RELB: variants seen among roughly 807,000 people sequenced by gnomAD.
RELB encodes the protein RELB proto-oncogene, NF-kB subunit.
RELB carries 14 observed loss-of-function variants against 55.4 expected under a neutral mutation model. The observed-to-expected ratio is 0.25, with a 90% CI of 0.17 to 0.40. RELB has a LOEUF of 0.40. Ranked by LOEUF, RELB falls within the 10% of genes least tolerant of loss-of-function variation. The pLI is 1.00. For synonymous variants in RELB, 409 were observed against 371.3 expected (o/e 1.10, Z -1.17); for missense variants, 669 against 830.7 (o/e 0.81, Z 2.39).
chr19:45,012,575 C>A (rs1217636798), intron 4 of RELB, among the ~76,000 whole-genome samples: 1 of 151,956 alleles, frequency 6.6e-6, no homozygotes, highest in Non-Finnish European at 1.5e-5. Context: ...GAAACCCCAT[C>A]TGTACTAAAA....
At chr19:45,036,141 C>G (rs1971683286) in intron 11 of RELB, among the ~76,000 whole-genome samples, 1 of 151,918 alleles carries the variant, frequency 6.6e-6, no homozygotes, top group Non-Finnish European at 1.5e-5. Flanking sequence ...GGCACAATCT[C>G]AGCTCACTGC....
chr19:45,019,450 T>A (rs1409266310), intron 4 of RELB, among the ~76,000 whole-genome samples: 2 of 152,180 alleles, frequency 1.3e-5, no homozygotes, highest in Non-Finnish European at 2.9e-5. Context: ...ATGTATCTCC[T>A]AATCATAAGC....
At chr19:45,020,855 C>A (rs1470178134) in intron 4 of RELB, among the ~76,000 whole-genome samples, 2 of 152,026 alleles carry the variant, frequency 1.3e-5, no homozygotes, top group African/African-American at 4.8e-5. Flanking sequence ...CCGCACCCGG[C>A]CATGGCACCC....
intron 2 of RELB, among the ~76,000 whole-genome samples, chr19:45,003,880 G>GGT (rs1280186208): frequency 7.2e-4 from 103 of 143,136 alleles, no homozygotes; most frequent in Non-Finnish European, 1.3e-3. Context: ...GTTCATTTTT[G>GGT]GTGTGTGTGT....
chr19:45,003,267 C>T (rs1453387679), intron 2 of RELB, among the ~76,000 whole-genome samples: 1 of 151,878 alleles, frequency 6.6e-6, no homozygotes, highest in Non-Finnish European at 1.5e-5. Context: ...GTCAGGAGAT[C>T]GAGACCATCC....
At chr19:45,030,274 T>C (rs541089335) in intron 8 of RELB, among the ~76,000 whole-genome samples, 1 of 151,122 alleles carries the variant, frequency 6.6e-6, no homozygotes, top group Admixed American at 6.6e-5. Context: ...GGAGTTTGAG[T>C]CCAGTCTGGG....
Position 45,037,265 on chromosome 19 carries a change from G to C in RELB, c.1355-140G>C, listed in dbSNP as rs1357665518. On this transcript the variant is annotated intron_variant, in intron 11 of 11. Transcript: ENST00000221452. ...TCATTGCACTCCAGCCAGGGTGACAGAATGAGACTCCATCTCAGAAAAAAA... is the reference window on the plus strand; with the variant it reads ...TCATTGCACTCCAGCCAGGGTGACACAATGAGACTCCATCTCAGAAAAAAA... 3 of 922,722 alleles carry C rather than the reference G, an allele frequency of 3.3e-6. No individual in the cohort carries two copies. The African/African-American group carries it at 5.3e-5, about 16-fold the overall frequency. The allele number at this position is 922,722 out of a possible 1,614,324, so 57.2% of individuals were successfully genotyped here.
At chr19:45,025,515 TCTC>T in intron 6 of RELB, 88 bp from the exon 7 acceptor site, 1 of 1,573,394 alleles carries the variant, frequency 6.4e-7, no homozygotes, top group East Asian at 2.3e-5. Context: ...GGCCCCACCG[TCTC>T]CTCCAGCCCC....
chr19:45,034,197 A>G, intron 9 of RELB, 47 bp from the exon 10 acceptor site: 1 of 1,299,498 alleles, frequency 7.7e-7, no homozygotes, highest in South Asian at 1.2e-5. Flanking sequence ...GGAATTAATT[A>G]TTATTGATGA....
chr19:45,032,474 A>G (rs1487488418), intron 8 of RELB, 60 bp from the exon 9 acceptor site: 3 of 1,408,480 alleles, frequency 2.1e-6, no homozygotes, highest in Non-Finnish European at 3.0e-6. Context: ...AGGCTGGGCA[A>G]GTTGGGAGCA....
chr19:45,014,064 T>C (rs35784199), intron 4 of RELB, among the ~76,000 whole-genome samples: 268 of 152,128 alleles, frequency 1.8e-3, no homozygotes, highest in African/African-American at 6.2e-3. Flanking sequence ...ATGATAAAGA[T>C]ACAACTTTCC....
chr19:45,037,077 G>A (rs1407565195), intron 11 of RELB, among the ~76,000 whole-genome samples: 2 of 152,144 alleles, frequency 1.3e-5, no homozygotes, highest in African/African-American at 4.8e-5. Context: ...TCAGGAGTTC[G>A]AGACCAGCCT....
In RELB at chr19:45,023,891, C is replaced by T. The variant is rs527714158; in HGVS notation, c.663-1438C>T. On this transcript the variant is annotated intron_variant, in intron 5 of 11. Coordinates refer to ENST00000221452, the MANE Select transcript of RELB (RefSeq NM_006509.4). ...TCAGCCTCCCAGGTAGCTGGGATTA[C>T]AGGCGCCAGCCACCACACCTGGCTA... Among the ~76,000 whole-genome samples the T allele has an allele frequency of 2.1e-3, 317 of 151,456 alleles. 1 individual carries two copies. Among genetic ancestry groups the T allele is most frequent in the Middle Eastern group, 6.8e-3 (2 of 294 alleles).
chr19:45,024,562 A>C (rs1971534616), intron 5 of RELB, among the ~76,000 whole-genome samples: 1 of 150,070 alleles, frequency 6.7e-6, no homozygotes, highest in Non-Finnish European at 1.5e-5. Flanking sequence ...GCTTATTTTT[A>C]TTTTTTGAGA....
At chr19:45,034,553 C>T (rs1273444171) in intron 11 of RELB, 25 bp downstream of exon 11, 7 of 1,569,524 alleles carry the variant, frequency 4.5e-6, no homozygotes, top group Non-Finnish European at 6.1e-6. Context: ...CACATAAGCC[C>T]CTGTCCCCTG....
chr19:45,011,191 C>A (rs7246703), intron 3 of RELB, among the ~76,000 whole-genome samples: 1 of 150,790 alleles, frequency 6.6e-6, no homozygotes, highest in African/African-American at 2.4e-5. Context: ...GAGATGGAGT[C>A]TTGCTCTGTT....
intron 9 of RELB, 108 bp downstream of exon 9, chr19:45,032,857 A>G: frequency 1.1e-6 from 1 of 909,712 alleles, no homozygotes; most frequent in Non-Finnish European, 1.7e-6. Context: ...GCAGGCTCAG[A>G]GCTACAAAGA....
chr19:45,008,026 C>T (rs1021690695), intron 2 of RELB, among the ~76,000 whole-genome samples: 1 of 136,262 alleles, frequency 7.3e-6, no homozygotes, highest in Admixed American at 7.4e-5. Context: ...AAAAAAAAGC[C>T]GGGTGTGGTG....
At chr19:45,008,000 C>CAA (rs57007961) in intron 2 of RELB, among the ~76,000 whole-genome samples, 86 of 62,988 alleles carry the variant, frequency 1.4e-3, no homozygotes, top group South Asian at 2.5e-3. Flanking sequence ...GCTAAAAATA[C>CAA]AAAAAAAAAA....
Sources: allele counts gnomAD v4.1 joint callset (sites outside exome capture counted in the v4.1 genomes callset), GRCh38; gene constraint gnomAD v4.1.1; transcripts MANE v1.5; gene names NCBI Gene and HGNC (gene_info 2026-07-23, HGNC 2026-07-21).